The following CAPS2 variants were observed in gnomAD, a reference collection of about 807,000 sequenced individuals.
CAPS2 encodes the protein calcyphosine 2.
A neutral mutation model predicts 86.5 loss-of-function variants in CAPS2; 98 were observed. That is an observed-to-expected ratio of 1.13 (90% CI 0.96 to 1.34). The LOEUF (loss-of-function observed/expected upper bound fraction) is 1.34, where lower values mean the gene tolerates loss of function less well. CAPS2 is among the 40% of genes most tolerant of loss of function. The probability of loss-of-function intolerance (pLI) is 0.00; values close to 1 mark genes in which losing one functional copy is unlikely to be tolerated. For missense variants in CAPS2, 729 were observed against 686.8 expected (o/e 1.06, Z -0.69); for synonymous variants, 210 against 225.1 (o/e 0.93, Z 0.60).
At position 75,316,428 on chromosome 12, in the gene CAPS2, G is replaced by A. The variant is rs550226744; in HGVS notation, c.475C>T (p.Gln159Ter). The change falls in exon 6 of 17, where the codon CAA becomes TAA. Residue 159 changes from glutamine to a stop codon, truncating the protein, a stop_gained. Coordinates refer to ENST00000393284, the Ensembl canonical transcript of CAPS2. LOFTEE classifies it high-confidence loss of function. ...TCATCTGTGTTGGCTTCTTCATCTT[G>A]CACACACTATGCATGAAAGAAATAA... 3 of 1,545,680 alleles carry A rather than the reference G, an allele frequency of 1.9e-6. No homozygotes were observed. Among genetic ancestry groups the A allele is most frequent in the Non-Finnish European group, 2.6e-6 (3 of 1,144,498 alleles).
intron 1 of CAPS2, among the ~76,000 whole-genome samples, chr12:75,353,866 T>C (rs1368575602): frequency 6.6e-6 from 1 of 152,172 alleles, no homozygotes; most frequent in African/African-American, 2.4e-5. Context: ...TAATTCATTA[T>C]ATCATCAGAA....
chr12:75,320,850 CTA>C (rs1369617657), intron 5 of CAPS2, among the ~76,000 whole-genome samples: 12 of 151,810 alleles, frequency 7.9e-5, no homozygotes, highest in African/African-American at 2.9e-4. Flanking sequence ...ATTACAATTA[CTA>C]TGTTTAATTT....
At chr12:75,315,468 G>T (rs2039661151) in intron 6 of CAPS2, among the ~76,000 whole-genome samples, 1 of 151,892 alleles carries the variant, frequency 6.6e-6, no homozygotes, top group African/African-American at 2.4e-5. Flanking sequence ...TTGCAACTTG[G>T]GACATCCACA....
chr12:75,324,503 C>T (rs908812568), intron 2 of CAPS2, among the ~76,000 whole-genome samples: 3 of 152,096 alleles, frequency 2.0e-5, no homozygotes, highest in African/African-American at 4.8e-5. Context: ...CTGCACACAA[C>T]TGACACAGCC....
At chr12:75,336,430 GA>G (rs1235806787) in intron 1 of CAPS2, among the ~76,000 whole-genome samples, 1 of 151,582 alleles carries the variant, frequency 6.6e-6, no homozygotes, top group East Asian at 1.9e-4. Context: ...TTTTGTAACA[GA>G]AACATATCAC....
intron 1 of CAPS2, among the ~76,000 whole-genome samples, chr12:75,356,468 A>T (rs1593778548): frequency 6.6e-6 from 1 of 152,324 alleles, no homozygotes; most frequent in Non-Finnish European, 1.5e-5. Flanking sequence ...GAAGTGCGAT[A>T]ATCTAACTTG....
chr12:75,343,455 C>G (rs2042248882), intron 1 of CAPS2, among the ~76,000 whole-genome samples: 1 of 151,810 alleles, frequency 6.6e-6, no homozygotes, highest in African/African-American at 2.4e-5. Context: ...TCTAATGTAC[C>G]AGGCCATCTG....
At chr12:75,321,963 T>C (rs1313218116) in intron 4 of CAPS2, among the ~76,000 whole-genome samples, 5 of 152,120 alleles carry the variant, frequency 3.3e-5, no homozygotes, top group Non-Finnish European at 7.4e-5. Context: ...TTGAAGATCA[T>C]TAATACTGAG....
At chr12:75,318,379 C>T (rs959850037) in intron 5 of CAPS2, among the ~76,000 whole-genome samples, 1 of 152,084 alleles carries the variant, frequency 6.6e-6, no homozygotes, top group Non-Finnish European at 1.5e-5. Context: ...TAAAGCCCAT[C>T]CTCAAAAGAA....
At chr12:75,297,068 T>C (rs1007481430) in intron 11 of CAPS2, among the ~76,000 whole-genome samples, 1 of 152,220 alleles carries the variant, frequency 6.6e-6, no homozygotes, top group African/African-American at 2.4e-5. Context: ...CTTTCTTTTT[T>C]TCTTTCTTTC....
intron 8 of CAPS2, among the ~76,000 whole-genome samples, chr12:75,300,722 G>A (rs1263396143): frequency 6.6e-6 from 1 of 152,066 alleles, no homozygotes; most frequent in Admixed American, 6.5e-5. Context: ...TGGCAGGGAT[G>A]TGATGCTAGG....
exon 6 of CAPS2, chr12:75,316,403 T>A (rs1470394366): frequency 6.5e-7 from 1 of 1,550,284 alleles, no homozygotes; most frequent in Non-Finnish European, 8.7e-7. Context: ...AGTCGTAAGG[T>A]CATCTGTGTT....
chr12:75,308,545 A>G (rs2038776787), intron 7 of CAPS2, among the ~76,000 whole-genome samples: 1 of 152,102 alleles, frequency 6.6e-6, no homozygotes, highest in African/African-American at 2.4e-5. Flanking sequence ...TCTTTGTTCA[A>G]AGTGCAAAGA....
intron 1 of CAPS2, chr12:75,373,980 G>T (rs1409348448): frequency 6.6e-6 from 1 of 152,200 alleles, no homozygotes; most frequent in Admixed American, 6.5e-5. Flanking sequence ...CTAACTTGAT[G>T]ACCCACAGTC....
At chr12:75,285,993 C>T (rs1170004441) in intron 14 of CAPS2, among the ~76,000 whole-genome samples, 1 of 151,994 alleles carries the variant, frequency 6.6e-6, no homozygotes, top group Non-Finnish European at 1.5e-5. Flanking sequence ...ATCAAATGCA[C>T]TATTTAATAG....
intron 6 of CAPS2, among the ~76,000 whole-genome samples, chr12:75,313,532 C>T (rs569332783): frequency 7.9e-5 from 12 of 152,272 alleles, no homozygotes; most frequent in African/African-American, 2.9e-4. Flanking sequence ...TTTTCCAATT[C>T]CTCTTAAACT....
Position 75,289,662 on chromosome 12 carries a change from T to A in CAPS2, c.1354A>T (p.Lys452Ter). 1.9e-6 allele frequency: 3 copies of A among 1,613,330 alleles called. No individual in the cohort carries two copies. The highest frequency in any genetic ancestry group is 2.5e-6 in the Non-Finnish European group (3 of 1,179,700). ...AAGTGAAACACTTTTAGAGCTTGCT[T>A]AAAATCTGCCTTATCTAAAAGTCCA... is the stretch of plus-strand genomic sequence containing the variant. The change falls in exon 14 of 17, where the codon AAG (lysine) becomes TAG (stop). Residue 452 changes from lysine (K) to a stop codon, truncating the protein, a stop_gained. Coordinates refer to ENST00000393284, the Ensembl canonical transcript of CAPS2. LOFTEE classifies it high-confidence loss of function.
rs746895636 is a variant in CAPS2, at chr12:75,298,667, C to T, written c.1044+20G>A. The T allele has an allele frequency of 8.0e-5, 118 of 1,467,560 alleles. 5 individuals carry two copies. The Admixed American group carries it at 1.9e-3, about 23-fold the overall frequency. 90.9% of individuals were successfully genotyped at this position (1,467,560 alleles called of 1,614,324 possible). ...TCCACCATCTGGTATTAAATGTGTG[C>T]ACACACACACACCACTTACAACATA... On this transcript the variant is annotated intron_variant, in intron 11 of 16. Transcript: ENST00000393284.
rs575474450 is a variant in CAPS2 at position 75,348,759 on chromosome 12, G to A, written c.-394-25537C>T. On this transcript the variant is annotated intron_variant, in intron 1 of 5. Transcript: ENST00000551829. ...ATGTCACCCCTGGCCAAGTGGTAGG[G>A]ACCAATATACCCTGTCACTTGAAAC... Among the ~76,000 whole-genome samples the A allele has an allele frequency of 1.6e-4, 24 of 152,184 alleles. No individual in the cohort carries two copies. The South Asian group carries it at 5.0e-3, about 32-fold the overall frequency.
Sources: gnomAD v4.1 joint callset for allele counts (sites outside exome capture counted in the v4.1 genomes callset) on GRCh38, gnomAD v4.1.1 for gene constraint, MANE v1.5 for transcripts, NCBI Gene and HGNC (gene_info 2026-07-23, HGNC 2026-07-21) for gene names.